The following MTHFD1L variants were observed in gnomAD, a reference collection of about 807,000 sequenced individuals.
The protein encoded by MTHFD1L is monofunctional C1-tetrahydrofolate synthase, mitochondrial.
In MTHFD1L, 81 loss-of-function variants were observed where a neutral mutation model predicts 119.5. The ratio of observed to expected loss-of-function variants is 0.68; its 90% CI spans 0.57 to 0.82. MTHFD1L has a LOEUF of 0.82. MTHFD1L is among the 40% of genes least tolerant of loss of function. MTHFD1L has a pLI of 0.00. For missense variants in MTHFD1L, 1,125 were observed against 1,253.4 expected (o/e 0.90, Z 1.55); for synonymous variants, 430 against 475.2 (o/e 0.90, Z 1.24).
At chr6:151,043,761 C>G (rs1787515577) in intron 26 of MTHFD1L, among the ~76,000 whole-genome samples, 1 of 152,170 alleles carries the variant, frequency 6.6e-6, no homozygotes, top group Non-Finnish European at 1.5e-5. Context: ...CAATTTGTGG[C>G]AACACTCTGG....
intron 15 of MTHFD1L, among the ~76,000 whole-genome samples, chr6:150,947,088 A>G (rs1452544204): frequency 6.7e-6 from 1 of 148,970 alleles, no homozygotes; most frequent in Non-Finnish European, 1.5e-5. Context: ...AAAGAAAAAA[A>G]AAAAAGAAAA....
intron 5 of MTHFD1L, among the ~76,000 whole-genome samples, chr6:150,883,217 G>C (rs556881215): frequency 6.6e-6 from 1 of 152,136 alleles, no homozygotes; most frequent in East Asian, 1.9e-4. Context: ...ATTTTTAGTA[G>C]AGACGGGGTT....
At chr6:151,094,780 G>A (rs1243807207) in intron 27 of MTHFD1L, among the ~76,000 whole-genome samples, 46 of 152,190 alleles carry the variant, frequency 3.0e-4, no homozygotes, top group Non-Finnish European at 7.4e-5. Context: ...CTGACCTCAG[G>A]TGATCCACCC....
chr6:150,921,404 C>G (rs371422579), intron 9 of MTHFD1L, among the ~76,000 whole-genome samples: 1 of 152,152 alleles, frequency 6.6e-6, no homozygotes, highest in Non-Finnish European at 1.5e-5. Flanking sequence ...GCGTGAGCCA[C>G]TGCACCTGGC....
chr6:150,956,111 C>G (rs762544689), intron 17 of MTHFD1L, 40 bp downstream of exon 17: 18 of 1,574,562 alleles, frequency 1.1e-5, no homozygotes, highest in Non-Finnish European at 1.5e-5. Flanking sequence ...TCTGTTCTTA[C>G]GTTCATTTCT....
At chr6:150,879,624 G>GT (rs551381943) in intron 4 of MTHFD1L, among the ~76,000 whole-genome samples, 15,821 of 107,872 alleles carry the variant, frequency 0.15, 1,956 homozygotes, top group African/African-American at 0.24. Context: ...TGCCACTGGT[G>GT]TTTTTTTTTT....
At position 150,965,024 on chromosome 6, in the gene MTHFD1L, T is replaced by G. The variant is rs970957706; in HGVS notation, c.2000T>G (p.Met667Arg). Residue 667 changes from methionine to arginine, a missense_variant, in exon 19 of 28, where the codon ATG (methionine) becomes AGG (arginine). This residue lies in a region of MTHFD1L where 1,058 missense variants were observed against 1,151.2 expected (regional missense o/e 0.92). Transcript: ENST00000367321. Reference sequence around the variant, plus strand: ...AAAGATGCAATAAAACCAAACCTGATGCAGACCCTGGAAGTAAGTGGTTTT... The same window carrying G: ...AAAGATGCAATAAAACCAAACCTGAGGCAGACCCTGGAAGTAAGTGGTTTT... ...LMKDAIKPNL[M>R]QTLEGTPVFV... The G allele has an allele frequency of 3.7e-6, 6 of 1,613,902 alleles. No individual in the cohort carries two copies. Among genetic ancestry groups the G allele is most frequent in the Non-Finnish European group, 8.5e-7 (1 of 1,179,910 alleles).
At chr6:150,877,883 G>A in intron 4 of MTHFD1L, 57 bp downstream of exon 4, 1 of 1,593,440 alleles carries the variant, frequency 6.3e-7, no homozygotes, top group Non-Finnish European at 8.6e-7. Flanking sequence ...GACTTAATAG[G>A]CCCATTGGCG....
At chr6:150,871,833 CATTTTATTTTATTTTAATTTT>C (rs1447399693) in intron 1 of MTHFD1L, among the ~76,000 whole-genome samples, 10 of 149,398 alleles carry the variant, frequency 6.7e-5, no homozygotes, top group Non-Finnish European at 1.0e-4. Flanking sequence ...CCTTTGTTGT[CATTTTATTTTATTTTAATTTT>C]ATTTTATTTT....
chr6:151,020,993 G>T (rs1421738550), intron 24 of MTHFD1L, among the ~76,000 whole-genome samples: 1 of 152,200 alleles, frequency 6.6e-6, no homozygotes, highest in African/African-American at 2.4e-5. Context: ...GAAGGTGATG[G>T]ACTTGTCCAT....
intron 26 of MTHFD1L, among the ~76,000 whole-genome samples, chr6:151,037,925 C>T (rs1473594139): frequency 6.6e-6 from 1 of 152,174 alleles, no homozygotes; most frequent in African/African-American, 2.4e-5. Flanking sequence ...CCATCATTAT[C>T]GTCATCATTA....
intron 24 of MTHFD1L, 45 bp from the exon 25 acceptor site, chr6:151,034,448 C>T: frequency 1.5e-6 from 2 of 1,327,664 alleles, no homozygotes; most frequent in Non-Finnish European, 2.2e-6. Context: ...AAATCTTTAA[C>T]CAGATTAAAC....
chr6:150,999,056 A>T (rs1485131116), intron 20 of MTHFD1L, among the ~76,000 whole-genome samples: 2 of 151,564 alleles, frequency 1.3e-5, no homozygotes, highest in Non-Finnish European at 2.9e-5. Context: ...TGAAATATAA[A>T]TGAATTTCAT....
chr6:151,099,465 T>C, intron 27 of MTHFD1L: 1 of 1,027,316 alleles, frequency 9.7e-7, no homozygotes, highest in Non-Finnish European at 1.5e-6. Flanking sequence ...TTTTTTTTTT[T>C]TGCCCTTCTC....
At chr6:150,968,007 G>T (rs568604504) in intron 19 of MTHFD1L, among the ~76,000 whole-genome samples, 1 of 151,780 alleles carries the variant, frequency 6.6e-6, no homozygotes, top group Admixed American at 6.6e-5. Flanking sequence ...CATCCTCTGG[G>T]GGACCTTTGC....
intron 4 of MTHFD1L, among the ~76,000 whole-genome samples, chr6:150,878,996 A>G (rs1780927723): frequency 1.3e-5 from 2 of 152,120 alleles, no homozygotes; most frequent in South Asian, 2.1e-4. Context: ...TTCTACATCC[A>G]TCCCGTTGTC....
chr6:150,990,150 G>A (rs9478161), intron 20 of MTHFD1L, among the ~76,000 whole-genome samples: 13 of 151,958 alleles, frequency 8.6e-5, no homozygotes, highest in African/African-American at 2.7e-4. Flanking sequence ...GAGGTGGTGC[G>A]TGCCTGTAGT....
intron 26 of MTHFD1L, among the ~76,000 whole-genome samples, chr6:151,077,651 A>G (rs965013780): frequency 9.8e-5 from 15 of 152,300 alleles, no homozygotes; most frequent in African/African-American, 3.1e-4. Context: ...ACTATACTCT[A>G]GCCTGGGCGG....
chr6:150,980,105 G>A (rs4869965), intron 20 of MTHFD1L, among the ~76,000 whole-genome samples: 68,341 of 151,812 alleles, frequency 0.45, 17,647 homozygotes, highest in African/African-American at 0.67. Flanking sequence ...TTATTATGAT[G>A]CTTCCAGGTT....
Sources: allele counts gnomAD v4.1 joint callset (sites outside exome capture counted in the v4.1 genomes callset), GRCh38; gene constraint gnomAD v4.1.1; regional missense constraint gnomAD v4.1.1; transcripts MANE v1.5; gene names NCBI Gene and HGNC (gene_info 2026-07-23, HGNC 2026-07-21).